The following DCDC2 variants were observed in gnomAD, a reference collection of about 807,000 sequenced individuals.
The protein encoded by DCDC2 is doublecortin domain containing 2, also known as doublecortin domain-containing protein 2.
DCDC2 carries 40 observed loss-of-function variants against 50.2 expected under a neutral mutation model. The observed-to-expected ratio is 0.80, with a 90% CI of 0.62 to 1.04. DCDC2 has a LOEUF of 1.04. DCDC2 is among the 50% of genes least tolerant of loss of function. The probability of loss-of-function intolerance (pLI) is 0.00; values close to 1 mark genes in which losing one functional copy is unlikely to be tolerated. For missense variants in DCDC2, 570 were observed against 581.9 expected (o/e 0.98, Z 0.21); for synonymous variants, 234 against 210.6 (o/e 1.11, Z -0.96).
the DCDC2 span, among the ~76,000 whole-genome samples, chr6:24,370,976 C>T: frequency 6.6e-6 from 1 of 151,858 alleles, no homozygotes; most frequent in Non-Finnish European, 1.5e-5. Context: ...AACTGTACAA[C>T]CAATTAAGGA....
intron 7 of DCDC2, among the ~76,000 whole-genome samples, chr6:24,211,926 A>T (rs750493305): frequency 9.2e-5 from 14 of 152,202 alleles, no homozygotes; most frequent in Non-Finnish European, 2.1e-4. Flanking sequence ...AATTATGTGC[A>T]TGAGGAGGGG....
intron 7 of DCDC2, among the ~76,000 whole-genome samples, chr6:24,272,997 T>C (rs530450202): frequency 1.1e-3 from 158 of 143,702 alleles, no homozygotes; most frequent in Middle Eastern, 7.1e-3. Context: ...AGAAAATGTG[T>C]GTATAAAGAC....
upstream of DCDC2, among the ~76,000 whole-genome samples, chr6:24,359,834 C>T (rs533368806): frequency 6.6e-6 from 1 of 152,300 alleles, no homozygotes; most frequent in Admixed American, 6.5e-5. Context: ...CCCTAACCCC[C>T]TCCCCGATGA....
At chr6:24,290,614 A>C (rs1031104722) in intron 5 of DCDC2, among the ~76,000 whole-genome samples, 9 of 152,170 alleles carry the variant, frequency 5.9e-5, no homozygotes, top group Non-Finnish European at 1.2e-4. Flanking sequence ...ACTTCTAATA[A>C]TGTTTGCTGT....
At position 24,357,592 on chromosome 6, in the gene DCDC2, G is replaced by A. The variant is rs1257411402; in HGVS notation, c.159C>T (p.Gly53=). 3 of 1,613,482 alleles carry A rather than the reference G, an allele frequency of 1.9e-6. No individual in the cohort carries two copies. Among genetic ancestry groups the A allele is most frequent in the Non-Finnish European group, 2.5e-6 (3 of 1,180,034 alleles). ...SFEVFLKEVT[G]GVQAPFGAVR... is the part of the protein sequence containing the mutation. ...CGGCCCCAAAGGGTGCCTGAACGCC[G>A]CCGGTCACCTCCTTCAGGAAGACTT... Residue 53 remains glycine (G), a synonymous_variant, in exon 1 of 10, where the codon GGC becomes GGT. Coordinates refer to ENST00000378454, the MANE Select transcript of DCDC2 (RefSeq NM_016356.5).
chr6:24,225,589 G>A (rs1382512046), intron 7 of DCDC2, among the ~76,000 whole-genome samples: 1 of 151,562 alleles, frequency 6.6e-6, no homozygotes, highest in Admixed American at 6.5e-5. Flanking sequence ...CTCAACACCA[G>A]GCAGTCAGAT....
chr6:24,232,851 G>GT (rs1333549386), intron 7 of DCDC2, among the ~76,000 whole-genome samples: 2 of 151,710 alleles, frequency 1.3e-5, no homozygotes, highest in Non-Finnish European at 2.9e-5. Context: ...AAAAATACTT[G>GT]TTTCATGCTG....
chr6:24,280,891 CGTTAG>C (rs1422634911), intron 6 of DCDC2, among the ~76,000 whole-genome samples: 1 of 152,030 alleles, frequency 6.6e-6, no homozygotes, highest in Non-Finnish European at 1.5e-5. Flanking sequence ...TTTCACACGC[CGTTAG>C]CAAGCTTACT....
At chr6:24,197,123 T>A (rs1426688419) in intron 8 of DCDC2, among the ~76,000 whole-genome samples, 1 of 152,128 alleles carries the variant, frequency 6.6e-6, no homozygotes, top group Non-Finnish European at 1.5e-5. Flanking sequence ...TTTGTTGATA[T>A]TGCCCAGCTT....
At chr6:24,249,765 A>G (rs1762759638) in intron 7 of DCDC2, among the ~76,000 whole-genome samples, 1 of 152,236 alleles carries the variant, frequency 6.6e-6, no homozygotes, top group Admixed American at 6.5e-5. Context: ...TGGGGATAGT[A>G]GATCCTCTAC....
intron 7 of DCDC2, among the ~76,000 whole-genome samples, chr6:24,220,709 G>A (rs2996451): frequency 0.99 from 150,518 of 152,306 alleles, 74,394 homozygotes; most frequent in Non-Finnish European, 1. Flanking sequence ...ATACTGCTAT[G>A]AAGAACTGCC....
At chr6:24,300,415 G>A (rs1561765622) in intron 4 of DCDC2, among the ~76,000 whole-genome samples, 1 of 152,150 alleles carries the variant, frequency 6.6e-6, no homozygotes, top group Non-Finnish European at 1.5e-5. Context: ...AAATGTATAT[G>A]CTTGCACATG....
chr6:24,280,840 C>T (rs1292866536), intron 6 of DCDC2, among the ~76,000 whole-genome samples: 2 of 152,024 alleles, frequency 1.3e-5, no homozygotes, highest in African/African-American at 2.4e-5. Flanking sequence ...TGCACATGGT[C>T]GATTTTAAAA....
chr6:24,368,105 T>C, the DCDC2 span, among the ~76,000 whole-genome samples: 9 of 152,066 alleles, frequency 5.9e-5, 1 homozygote, highest in African/African-American at 2.2e-4. Context: ...AAGTTATCCT[T>C]GCATCTCATT....
intron 7 of DCDC2, among the ~76,000 whole-genome samples, chr6:24,230,939 C>T (rs977684516): frequency 2.0e-5 from 3 of 152,206 alleles, no homozygotes; most frequent in Non-Finnish European, 4.4e-5. Flanking sequence ...AAAGAGTCTG[C>T]ATAGGCCATG....
intron 8 of DCDC2, among the ~76,000 whole-genome samples, chr6:24,197,337 A>G (rs1318688875): frequency 3.3e-5 from 5 of 152,244 alleles, no homozygotes; most frequent in Admixed American, 6.5e-5. Context: ...AAGTTGTTAA[A>G]TAAGTGATTA....
chr6:24,177,819 G>C (rs1760958373), intron 9 of DCDC2, among the ~76,000 whole-genome samples: 1 of 152,182 alleles, frequency 6.6e-6, no homozygotes, highest in Admixed American at 6.5e-5. Context: ...TGCCTAATGT[G>C]TTGAATGCTT....
intron 2 of DCDC2, among the ~76,000 whole-genome samples, chr6:24,342,733 C>T (rs1760182593): frequency 6.6e-6 from 1 of 151,688 alleles, no homozygotes; most frequent in Non-Finnish European, 1.5e-5. Flanking sequence ...AACTCAAATT[C>T]ACCAATCTTC....
chr6:24,287,196 C>T (rs558891132), intron 6 of DCDC2, among the ~76,000 whole-genome samples: 1 of 152,326 alleles, frequency 6.6e-6, no homozygotes, highest in East Asian at 1.9e-4. Context: ...TCAGCCCCCA[C>T]ACCAAAAAGG....
Sources: gnomAD v4.1 joint callset for allele counts (sites outside exome capture counted in the v4.1 genomes callset) on GRCh38, gnomAD v4.1.1 for gene constraint, MANE v1.5 for transcripts, NCBI Gene and HGNC (gene_info 2026-07-23, HGNC 2026-07-21) for gene names.